Variants in B4GALT7 observed in about 807,000 individuals in gnomAD.
The protein encoded by B4GALT7 is beta-1,4-galactosyltransferase 7.
In B4GALT7, 30 loss-of-function variants were observed where a neutral mutation model predicts 33.0. That is an observed-to-expected ratio of 0.91 (90% confidence interval 0.68 to 1.23). The LOEUF (loss-of-function observed/expected upper bound fraction) is 1.23, where lower values mean the gene tolerates loss of function less well. B4GALT7 is among the 50% of genes most tolerant of loss of function. The pLI is 0.00. For missense variants in B4GALT7, 507 were observed against 450.8 expected (o/e 1.12, Z -1.13); for synonymous variants, 213 against 187.2 (o/e 1.14, Z -1.13).
intron 2 of B4GALT7, chr5:177,605,330 A>G (rs1043224389): frequency 7.0e-6 from 2 of 283,984 alleles, no homozygotes; most frequent in Admixed American, 4.9e-5. Flanking sequence ...GAGGAAAGAC[A>G]ACACGTGAGG....
At chr5:177,607,867 A>G in intron 3 of B4GALT7, 1 of 395,974 alleles carries the variant, frequency 2.5e-6, no homozygotes. Flanking sequence ...CACTGGGTTT[A>G]TTGGCAAGGT....
At chr5:177,605,043 A>G in intron 2 of B4GALT7, 1 of 455,816 alleles carries the variant, frequency 2.2e-6, no homozygotes, top group Non-Finnish European at 4.4e-6. Context: ...CTTTCCCTCT[A>G]GGTAACTCCC....
In B4GALT7 at chr5:177,609,831, C is replaced by A; in HGVS notation, c.*136C>A. The stretch of plus-strand genomic sequence containing the variant: ...AGACAGCAAGCTACGCAATTGCAGC[C>A]ACCCGGCCGCCAAGGCAGGCTTGGG... On this transcript the variant is annotated 3_prime_UTR_variant, in exon 6 of 6. Coordinates refer to ENST00000029410, the MANE Select transcript of B4GALT7 (RefSeq NM_007255.3). The A allele has an allele frequency of 1.6e-6, 2 of 1,233,442 alleles. No homozygotes were observed. Among genetic ancestry groups the A allele is most frequent in the South Asian group, 1.4e-5 (1 of 72,458 alleles). The allele number at this position is 1,233,442 out of a possible 1,614,324, so 76.4% of individuals were successfully genotyped here. A position where few individuals can be genotyped will look rare whatever the true frequency, so the allele number is the denominator to read the frequency against.
At position 177,600,274 on chromosome 5, in the gene B4GALT7, G is replaced by C; in HGVS notation, c.50+14G>C. 7.5e-7 allele frequency: 1 copy of C among 1,329,094 alleles called. No homozygotes were observed. The highest frequency in any genetic ancestry group is 9.7e-7 in the Non-Finnish European group (1 of 1,035,148). 82.3% of individuals were successfully genotyped at this position (1,329,094 alleles called of 1,614,324 possible). ...GGAGGACGGCAGGTGAGCGGCGGCG[G>C]TGGGCCCGGGCCCCGTCCTCCCGGG... is the stretch of plus-strand genomic sequence containing the variant. On this transcript the variant is annotated intron_variant, in intron 1 of 5. Transcript: ENST00000029410. The surrounding 1 kb of genome is among the most constrained non-coding windows in gnomAD (Gnocchi z 4.4).
chr5:177,605,134 C>G (rs139758876), intron 2 of B4GALT7: 7 of 415,284 alleles, frequency 1.7e-5, no homozygotes, highest in Admixed American at 2.7e-5. Flanking sequence ...CCAGACCCCC[C>G]CCTTTTCCCT....
Position 177,607,522 on chromosome 5 carries a change from C to A in B4GALT7, c.634C>A (p.Arg212=). The stretch of plus-strand genomic sequence containing the variant: ...CCTGCTGCTCTCCAAGCAGCACTAC[C>A]GGCTGGTGAGGCCCGGACAGCCTGC... ...GILLLSKQHY[R]LCNGMSNRFW... is the part of the protein sequence containing the mutation. The change falls in exon 3 of 6, where the codon CGG becomes AGG. Residue 212 remains arginine, a synonymous_variant. Coordinates refer to ENST00000029410, the MANE Select transcript of B4GALT7 (RefSeq NM_007255.3). 6.2e-7 allele frequency: 1 copy of A among 1,611,232 alleles called. No individual in the cohort carries two copies. Among genetic ancestry groups the A allele is most frequent in the South Asian group, 1.1e-5 (1 of 91,086 alleles).
intron 3 of B4GALT7, chr5:177,607,948 C>A (rs1017368412): frequency 1.0e-5 from 3 of 294,402 alleles, no homozygotes. Context: ...TCCCTTGTAG[C>A]TCAGGCAGGA....
In B4GALT7 at chr5:177,606,793, G is replaced by A. The variant is rs11249570; in HGVS notation, c.414-509G>A. On this transcript the variant is annotated intron_variant, in intron 2 of 5. Coordinates refer to ENST00000029410, the MANE Select transcript of B4GALT7 (RefSeq NM_007255.3). The surrounding 1 kb of genome is among the most constrained non-coding windows in gnomAD (Gnocchi z 4.2). ...CTGCCCTCGCCCTGCCCAGCTGCCC[G>A]TTGGTCTGCTCCTGCCTCCTGCCGT... The A allele has an allele frequency of 0.35, 80,103 of 227,378 alleles. 15,130 individuals carry two copies. Among genetic ancestry groups the A allele is most frequent in the South Asian group, 0.44 (6,913 of 15,744 alleles). The allele number at this position is 227,378 out of a possible 1,614,324, so 14.1% of individuals were successfully genotyped here.
At position 177,608,968 on chromosome 5, in the gene B4GALT7, C is replaced by T; in HGVS notation, c.782C>T (p.Pro261Leu). ...AAGACATTTCGCCACCTGCATGACC[C>T]AGCCTGGCGGAAGAGGGACCAGAAG... is the stretch of plus-strand genomic sequence containing the variant. The part of the protein sequence containing the change: ...GYKTFRHLHD[P>L]AWRKRDQKRI... The change falls in exon 5 of 6, where the codon CCA becomes CTA. Residue 261 changes from proline to leucine, a missense_variant. By Grantham distance (98) the Pro-to-Leu change is moderately conservative. Transcript: ENST00000029410. This position sits in a 1 kb window ranked among gnomAD's most constrained non-coding sequence, Gnocchi z 4.1. 1 of 1,613,370 alleles carries T rather than the reference C, an allele frequency of 6.2e-7. No homozygotes were observed. Among genetic ancestry groups the T allele is most frequent in the Non-Finnish European group, 8.5e-7 (1 of 1,180,008 alleles).
chr5:177,606,082 A>G lies in B4GALT7; in HGVS notation c.414-1220A>G, dbSNP rs544373682. ...CTGCTCATCTCCCCGAGCTCTCACC[A>G]TCGGGGCTTCTCTGGACTCGGTGCT... On this transcript the variant is annotated intron_variant, in intron 2 of 5. Transcript: ENST00000029410. This position sits in a 1 kb window ranked among gnomAD's most constrained non-coding sequence, Gnocchi z 4.2. 1 of 152,024 alleles carries G rather than the reference A, an allele frequency of 6.6e-6. No homozygotes were observed. Among genetic ancestry groups the G allele is most frequent in the South Asian group, 2.1e-4 (1 of 4,784 alleles). 9.4% of individuals were successfully genotyped at this position (152,024 alleles called of 1,614,324 possible).
At chr5:177,602,069 C>G (rs2127510403) in intron 1 of B4GALT7, among the ~76,000 whole-genome samples, 1 of 152,274 alleles carries the variant, frequency 6.6e-6, no homozygotes, top group South Asian at 2.1e-4. Flanking sequence ...CCAGTCTCTA[C>G]CCTGTCCCCA....
intron 2 of B4GALT7, 97 bp downstream of exon 2, chr5:177,604,638 G>C: frequency 6.5e-7 from 1 of 1,528,088 alleles, no homozygotes; most frequent in East Asian, 2.3e-5. Context: ...GCAGGAGGGC[G>C]GGAGGTGGCA....
At chr5:177,607,602 A>G in intron 3 of B4GALT7, 75 bp downstream of exon 3, 2 of 1,436,898 alleles carry the variant, frequency 1.4e-6, no homozygotes, top group Non-Finnish European at 1.9e-6. Flanking sequence ...AGGATGGGGC[A>G]GTGCCTCTGG....
chr5:177,604,095 C>T, intron 1 of B4GALT7, 84 bp from the exon 2 acceptor site: 1 of 1,591,416 alleles, frequency 6.3e-7, no homozygotes, highest in Non-Finnish European at 8.6e-7. Context: ...TATGTGCAGC[C>T]TCCTCGTGGG....
At position 177,606,679 on chromosome 5, in the gene B4GALT7, T is replaced by C. The variant is rs1254357288; in HGVS notation, c.414-623T>C. ...GCCTCTACCCTGCTCAGAGCCTCCA[T>C]GGCACCCATCTTACCCGAGTCAAAG... On this transcript the variant is annotated intron_variant, in intron 2 of 5. Transcript: ENST00000029410. The surrounding 1 kb of genome is among the most constrained non-coding windows in gnomAD (Gnocchi z 4.2). 1 of 195,702 alleles carries C rather than the reference T, an allele frequency of 5.1e-6. No homozygotes were observed. The highest frequency in any genetic ancestry group is 1.2e-4 in the East Asian group (1 of 8,030). 12.1% of individuals were successfully genotyped at this position (195,702 alleles called of 1,614,324 possible). A position where few individuals can be genotyped will look rare whatever the true frequency, so the allele number is the denominator to read the frequency against.
chr5:177,602,850 A>G, intron 1 of B4GALT7: 1 of 979,014 alleles, frequency 1.0e-6, no homozygotes, highest in Non-Finnish European at 1.2e-6. Context: ...GTGAGGAAGG[A>G]TCAGAGGGGG....
intron 3 of B4GALT7, chr5:177,607,840 C>T: frequency 8.7e-6 from 4 of 459,854 alleles, no homozygotes; most frequent in Non-Finnish European, 1.6e-5. Context: ...TGTGCATCTC[C>T]CAGCTCTCCT....
rs3792849 is a variant in B4GALT7, at chr5:177,607,785, T to C, written c.639+258T>C. The C allele has an allele frequency of 0.6, 327,926 of 551,130 alleles. 99,152 individuals carry two copies. Among genetic ancestry groups the C allele is most frequent in the East Asian group, 0.69 (22,306 of 32,140 alleles). The allele number at this position is 551,130 out of a possible 1,614,324, so 34.1% of individuals were successfully genotyped here. A position where few individuals can be genotyped will look rare whatever the true frequency, so the allele number is the denominator to read the frequency against. On this transcript the variant is annotated intron_variant, in intron 3 of 5. Coordinates refer to ENST00000029410, the MANE Select transcript of B4GALT7 (RefSeq NM_007255.3). ...GAAGAGTGTAGGGGCGGTTCAGGTG[T>C]ACCTTGCCCACCTCTCAGACAGTGT...
In B4GALT7 at chr5:177,608,153, G is replaced by A. The variant is rs77877894; in HGVS notation, c.640-386G>A. 25,169 of 257,352 alleles carry A rather than the reference G, an allele frequency of 0.098. 1,942 individuals carry two copies. Among genetic ancestry groups the A allele is most frequent in the East Asian group, 0.3 (2,936 of 9,884 alleles). The allele number at this position is 257,352 out of a possible 1,614,324, so 15.9% of individuals were successfully genotyped here. A position where few individuals can be genotyped will look rare whatever the true frequency, so the allele number is the denominator to read the frequency against. ...CCCTGAGCCAGGTGCAAGAATGGGT[G>A]TCTGTCATGGAACCCTGCTACCCCT... On this transcript the variant is annotated intron_variant, in intron 3 of 5. Transcript: ENST00000029410. This position sits in a 1 kb window ranked among gnomAD's most constrained non-coding sequence, Gnocchi z 4.1.
Sources: gnomAD v4.1 joint callset for allele counts (sites outside exome capture counted in the v4.1 genomes callset) on GRCh38, gnomAD v4.1.1 for gene constraint, Gnocchi (gnomAD v3.1) non-coding constraint, MANE v1.5 for transcripts, NCBI Gene and HGNC (gene_info 2026-07-23, HGNC 2026-07-21) for gene names.